The following BCL2L13 variants were observed in gnomAD, a reference collection of about 807,000 sequenced individuals.
BCL2L13 encodes BCL2 like 13.
A neutral mutation model predicts 25.8 loss-of-function variants in BCL2L13; 13 were observed. The ratio of observed to expected loss-of-function variants is 0.50; its 90% CI spans 0.33 to 0.80. BCL2L13 has a LOEUF of 0.80. Among genes scored for constraint, BCL2L13 ranks in the 30% least tolerant of loss-of-function variants. The pLI, the probability that BCL2L13 is intolerant of heterozygous loss-of-function variation, is 0.02. For missense variants in BCL2L13, 504 were observed against 574.9 expected, an observed-to-expected ratio of 0.88 and a Z score of 1.26; for synonymous variants, 244 against 230.3, an observed-to-expected ratio of 1.06 and a Z score of -0.54.
chr22:17,656,590 G>A (rs1050841604), intron 2 of BCL2L13, among the ~76,000 whole-genome samples: 8 of 151,406 alleles, frequency 5.3e-5, no homozygotes, highest in South Asian at 4.2e-4. Flanking sequence ...TCAGGTGATC[G>A]CCCGCCTCGG....
At chr22:17,706,385 G>C (rs1001126392) in intron 6 of BCL2L13, among the ~76,000 whole-genome samples, 1 of 150,922 alleles carries the variant, frequency 6.6e-6, no homozygotes, top group East Asian at 2.0e-4. Flanking sequence ...ACTGAGAAAA[G>C]GATTAGAAAT....
intron 1 of BCL2L13, among the ~76,000 whole-genome samples, chr22:17,651,125 G>A (rs544636866): frequency 1.2e-4 from 18 of 148,878 alleles, no homozygotes; most frequent in Admixed American, 1.0e-3. Context: ...TCAGTCTTCC[G>A]AGTAGCTGGG....
chr22:17,704,523 C>T (rs2060532854), intron 6 of BCL2L13, among the ~76,000 whole-genome samples: 2 of 151,966 alleles, frequency 1.3e-5, no homozygotes, highest in Admixed American at 6.6e-5. Flanking sequence ...TGCCTATAAT[C>T]CCAGCACTTT....
intron 6 of BCL2L13, among the ~76,000 whole-genome samples, chr22:17,704,378 C>T (rs1456477472): frequency 6.6e-6 from 1 of 152,108 alleles, no homozygotes; most frequent in African/African-American, 2.4e-5. Context: ...AGCCACTGCA[C>T]CTGGCCTTCA....
chr22:17,689,830 G>A (rs1402914993), intron 4 of BCL2L13, among the ~76,000 whole-genome samples: 16 of 135,240 alleles, frequency 1.2e-4, no homozygotes, highest in Non-Finnish European at 1.2e-4. Flanking sequence ...GTGACAGAGC[G>A]AGACTCCATC....
chr22:17,723,429 A>G (rs1053607126), intron 6 of BCL2L13, among the ~76,000 whole-genome samples: 7 of 152,154 alleles, frequency 4.6e-5, no homozygotes, highest in African/African-American at 1.4e-4. Flanking sequence ...AAGTTTGTAA[A>G]TTACCTTCTT....
chr22:17,664,197 C>G (rs2059161703), intron 2 of BCL2L13, among the ~76,000 whole-genome samples: 1 of 152,080 alleles, frequency 6.6e-6, no homozygotes, highest in African/African-American at 2.4e-5. Flanking sequence ...TCTTGGCCGG[C>G]TGGTCTCGAA....
At chr22:17,665,326 G>T (rs180753227) in intron 2 of BCL2L13, among the ~76,000 whole-genome samples, 2 of 152,068 alleles carry the variant, frequency 1.3e-5, no homozygotes, top group Admixed American at 6.6e-5. Context: ...GGACTTTATC[G>T]CCCATATCAC....
chr22:17,659,399 C>T (rs2058995511), intron 2 of BCL2L13, among the ~76,000 whole-genome samples: 1 of 144,780 alleles, frequency 6.9e-6, no homozygotes, highest in Non-Finnish European at 1.6e-5. Flanking sequence ...GGGTGGCTCA[C>T]GTCTGTAATC....
At chr22:17,646,955 A>ATATATATATTTTT (rs768488873) in intron 1 of BCL2L13, among the ~76,000 whole-genome samples, 6 of 22,188 alleles carry the variant, frequency 2.7e-4, no homozygotes, top group Non-Finnish European at 3.1e-4. Context: ...ATATATATAT[A>ATATATATATTTTT]TTTTTTTTTT....
chr22:17,660,217 T>C (rs1009269838), intron 2 of BCL2L13, among the ~76,000 whole-genome samples: 1 of 146,654 alleles, frequency 6.8e-6, no homozygotes, highest in Non-Finnish European at 1.6e-5. Context: ...GGATGGAAAA[T>C]ACTGTTTTTT....
chr22:17,630,253 C>G (rs2057981175), intron 1 of BCL2L13, among the ~76,000 whole-genome samples: 1 of 150,616 alleles, frequency 6.6e-6, no homozygotes, highest in African/African-American at 2.4e-5. Flanking sequence ...ATTCCTTTGT[C>G]CCATCAATCC....
At position 17,726,821 on chromosome 22, in the gene BCL2L13, TCTGAGAGCTTAC is replaced by T; in HGVS notation, c.749_760del (p.Glu250_Pro253del). 6.2e-7 allele frequency: 1 copy of T among 1,613,930 alleles called. No individual in the cohort carries two copies. Among genetic ancestry groups the T allele is most frequent in the East Asian group, 2.2e-5 (1 of 44,876 alleles). ...TCCAACTGTGACCACTTCCTGGCAG[TCTGAGAGCTTAC>T]CTGTGTCACTGTCAGCTAGCCAGAG... On this transcript the variant is annotated inframe_deletion, in exon 7 of 7. Transcript: ENST00000317582.
chr22:17,706,910 C>A, intron 6 of BCL2L13: 1 of 1,075,622 alleles, frequency 9.3e-7, no homozygotes, highest in Non-Finnish European at 1.3e-6. Flanking sequence ...TAAAAGATTA[C>A]TGGAGGGAAT....
chr22:17,725,566 A>C (rs2061272526), intron 6 of BCL2L13, among the ~76,000 whole-genome samples: 1 of 152,180 alleles, frequency 6.6e-6, no homozygotes, highest in Admixed American at 6.5e-5. Context: ...AAGGAAAGCA[A>C]CACTGCCATA....
At chr22:17,687,441 A>C (rs5747329) in intron 3 of BCL2L13, among the ~76,000 whole-genome samples, 5 of 151,882 alleles carry the variant, frequency 3.3e-5, no homozygotes, top group Non-Finnish European at 5.9e-5. Context: ...TCCTGGACTC[A>C]AGTGATCCTC....
rs556742118 is a variant in BCL2L13, at chr22:17,640,158, C to T, written c.-51+1272C>T. Among the ~76,000 whole-genome samples, 4 of 150,620 alleles carry T rather than the reference C, an allele frequency of 2.7e-5. No homozygotes were observed. The East Asian group carries it at 7.7e-4, about 29-fold the overall frequency. On this transcript the variant is annotated intron_variant, in intron 1 of 6. Coordinates refer to ENST00000317582, the MANE Select transcript of BCL2L13 (RefSeq NM_015367.4). ...CGTGAGCCACCGCGCACGGTGATAC[C>T]TTTTTTTCAACCACCCCCGCGCCAC...
chr22:17,642,304 G>A (rs962645534), intron 1 of BCL2L13, among the ~76,000 whole-genome samples: 2 of 151,880 alleles, frequency 1.3e-5, no homozygotes, highest in South Asian at 2.1e-4. Flanking sequence ...GATTACAGGT[G>A]CGTGCCACCA....
intron 6 of BCL2L13, among the ~76,000 whole-genome samples, chr22:17,710,665 A>G (rs1056406729): frequency 2.0e-5 from 3 of 152,118 alleles, no homozygotes; most frequent in Non-Finnish European, 4.4e-5. Context: ...TCACGAGGTC[A>G]GGAGATCGAG....
Sources: allele counts gnomAD v4.1 joint callset (sites outside exome capture counted in the v4.1 genomes callset), GRCh38; gene constraint gnomAD v4.1.1; transcripts MANE v1.5; gene names NCBI Gene and HGNC (gene_info 2026-07-23, HGNC 2026-07-21).